Variants in PLCE1 observed in about 807,000 individuals in gnomAD.
The protein encoded by PLCE1 is phospholipase C epsilon 1.
A neutral mutation model predicts 242.8 loss-of-function variants in PLCE1; 119 were observed. The observed-to-expected ratio is 0.49, with a 90% CI of 0.42 to 0.57. The LOEUF is 0.57. PLCE1 is among the 20% of genes least tolerant of loss of function. The pLI, the probability that PLCE1 is intolerant of heterozygous loss-of-function variation, is 0.00. For synonymous variants in PLCE1, 945 were observed against 1,017.4 expected, an observed-to-expected ratio of 0.93 and a Z score of 1.35; for missense variants, 2,441 against 2,788.8, an observed-to-expected ratio of 0.88 and a Z score of 2.81.
chr10:94,089,280 T>C, intron 2 of PLCE1: 1 of 1,614,046 alleles, frequency 6.2e-7, no homozygotes, highest in Non-Finnish European at 8.5e-7. Flanking sequence ...CGCTCTCAGC[T>C]GTCTTGAAGG....
intron 4 of PLCE1, among the ~76,000 whole-genome samples, chr10:94,218,945 TATATAATTAA>T (rs1256699692): frequency 1.4e-5 from 2 of 147,470 alleles, no homozygotes; most frequent in Non-Finnish European, 3.0e-5. Flanking sequence ...ATTATATTAT[TATATAATTAA>T]ATATAATTAA....
intron 3 of PLCE1, among the ~76,000 whole-genome samples, chr10:94,143,005 G>T (rs971138139): frequency 6.6e-6 from 1 of 152,146 alleles, no homozygotes; most frequent in African/African-American, 2.4e-5. Flanking sequence ...TGGAGGAAAT[G>T]GACAAATAAA....
At chr10:94,047,901 A>T (rs2043640222) in intron 2 of PLCE1, among the ~76,000 whole-genome samples, 1 of 152,134 alleles carries the variant, frequency 6.6e-6, no homozygotes, top group Admixed American at 6.5e-5. Context: ...TATTCTTAAG[A>T]ACTGTATATT....
chr10:94,173,552 C>T (rs887626073), intron 4 of PLCE1, among the ~76,000 whole-genome samples: 9 of 152,112 alleles, frequency 5.9e-5, no homozygotes, highest in South Asian at 4.1e-4. Context: ...TTTTAAATTT[C>T]GACCTGAACT....
intron 22 of PLCE1, among the ~76,000 whole-genome samples, chr10:94,285,903 T>C (rs2052428055): frequency 6.6e-6 from 1 of 152,174 alleles, no homozygotes; most frequent in South Asian, 2.1e-4. Context: ...TCCTTTTCAA[T>C]TAATGAATGG....
chr10:94,222,804 G>A lies in PLCE1; in HGVS notation c.1810-4502G>A, dbSNP rs1040609994. 2.6e-5 allele frequency among the ~76,000 whole-genome samples: 4 copies of A among 152,182 alleles called. No homozygotes were observed. The East Asian group carries it at 7.7e-4, about 29-fold the overall frequency. Reference sequence around the variant, plus strand: ...CTCTGGCCTGGCTTTAGGCCTAGGGGTTACAATCTACCCTCTGAAGGACTG... The same window carrying A: ...CTCTGGCCTGGCTTTAGGCCTAGGGATTACAATCTACCCTCTGAAGGACTG... On this transcript the variant is annotated intron_variant, in intron 4 of 32. Transcript: ENST00000371380.
chr10:94,146,844 C>T (rs2047127924), intron 3 of PLCE1, among the ~76,000 whole-genome samples: 1 of 152,202 alleles, frequency 6.6e-6, no homozygotes, highest in African/African-American at 2.4e-5. Flanking sequence ...TAATGTGTAC[C>T]ATACTATATT....
chr10:94,177,516 A>C (rs1411211419), intron 4 of PLCE1, among the ~76,000 whole-genome samples: 2 of 152,198 alleles, frequency 1.3e-5, no homozygotes. Context: ...AACTTTCTTA[A>C]TCTGGACACC....
chr10:94,135,413 T>G (rs1436125550), intron 3 of PLCE1, among the ~76,000 whole-genome samples: 2 of 152,170 alleles, frequency 1.3e-5, no homozygotes, highest in African/African-American at 4.8e-5. Context: ...TGCTGTGATG[T>G]GGTTGTGAGC....
intron 4 of PLCE1, among the ~76,000 whole-genome samples, chr10:94,217,566 C>A (rs983890855): frequency 6.6e-6 from 1 of 152,134 alleles, no homozygotes; most frequent in African/African-American, 2.4e-5. Context: ...AAGGAATGAT[C>A]CATTCAATTC....
intron 2 of PLCE1, among the ~76,000 whole-genome samples, chr10:94,115,138 A>G (rs540181987): frequency 5.3e-5 from 8 of 150,736 alleles, no homozygotes; most frequent in East Asian, 3.9e-4. Context: ...TGGTGTATAT[A>G]TGCCACATTT....
intron 9 of PLCE1, 142 bp downstream of exon 9, chr10:94,252,640 C>A: frequency 1.4e-6 from 1 of 724,144 alleles, no homozygotes. Context: ...TTACCACATA[C>A]CTCCATGGTG....
intron 5 of PLCE1, among the ~76,000 whole-genome samples, chr10:94,229,443 A>G (rs1334582781): frequency 6.6e-6 from 1 of 152,140 alleles, no homozygotes; most frequent in Non-Finnish European, 1.5e-5. Context: ...AATGCCTTTT[A>G]TATGATAGCC....
At chr10:94,179,512 GT>G (rs1554877545) in intron 4 of PLCE1, among the ~76,000 whole-genome samples, 1 of 19,398 alleles carries the variant, frequency 5.2e-5, no homozygotes, top group Non-Finnish European at 1.0e-4. Flanking sequence ...TTTTAGTTTA[GT>G]TTTTTTTTTT....
At chr10:94,304,678 T>C in intron 25 of PLCE1, 33 bp downstream of exon 25, 2 of 1,609,636 alleles carry the variant, frequency 1.2e-6, no homozygotes, top group South Asian at 1.1e-5. Flanking sequence ...GAACATAAGG[T>C]CGGGTTTAAG....
At chr10:94,197,674 G>A (rs2797990) in intron 4 of PLCE1, among the ~76,000 whole-genome samples, 148,886 of 152,356 alleles carry the variant, frequency 0.98, 72,841 homozygotes, top group East Asian at 1. Context: ...ACAATGAAGC[G>A]TGACATTAAG....
intron 7 of PLCE1, among the ~76,000 whole-genome samples, chr10:94,240,958 A>G (rs2050485442): frequency 6.6e-6 from 1 of 152,230 alleles, no homozygotes; most frequent in Non-Finnish European, 1.5e-5. Context: ...GTAAACCCAC[A>G]GGAAATTATC....
intron 4 of PLCE1, among the ~76,000 whole-genome samples, chr10:94,201,670 G>A (rs958797594): frequency 3.3e-5 from 5 of 152,068 alleles, no homozygotes; most frequent in African/African-American, 9.7e-5. Context: ...TAGTAGAGAC[G>A]GGGTTTCACT....
chr10:94,309,579 G>A (rs1327894000), intron 27 of PLCE1, among the ~76,000 whole-genome samples: 1 of 152,020 alleles, frequency 6.6e-6, no homozygotes, highest in Non-Finnish European at 1.5e-5. Flanking sequence ...TCATGCCTTG[G>A]CCTCCCAAGG....
Sources: allele counts gnomAD v4.1 joint callset (sites outside exome capture counted in the v4.1 genomes callset), GRCh38; gene constraint gnomAD v4.1.1; transcripts MANE v1.5; gene names NCBI Gene and HGNC (gene_info 2026-07-23, HGNC 2026-07-21).